LIMK2: variants seen among roughly 807,000 people sequenced by gnomAD.
LIMK2 encodes the protein LIM domain kinase 2.
LIMK2 carries 35 observed loss-of-function variants against 75.7 expected under a neutral mutation model. The ratio of observed to expected loss-of-function variants is 0.46; its 90% CI spans 0.35 to 0.61. LIMK2 has a LOEUF of 0.61. Among genes scored for constraint, LIMK2 ranks in the 20% least tolerant of loss-of-function variants. The probability of loss-of-function intolerance (pLI) is 0.00; values close to 1 mark genes in which losing one functional copy is unlikely to be tolerated. For synonymous variants in LIMK2, 301 were observed against 319.2 expected, an observed-to-expected ratio of 0.94 and a Z score of 0.61; for missense variants, 623 against 831.0, an observed-to-expected ratio of 0.75 and a Z score of 3.08.
chr22:31,276,798 C>G (rs368242418), intron 15 of LIMK2: 9 of 1,609,274 alleles, frequency 5.6e-6, no homozygotes, highest in Admixed American at 1.7e-5. Flanking sequence ...GAGCCCCCCC[C>G]GGGGCCGCAG....
At chr22:31,264,744 G>GA (rs113507669) in intron 7 of LIMK2, among the ~76,000 whole-genome samples, 6,729 of 151,522 alleles carry the variant, frequency 0.044, 549 homozygotes, top group East Asian at 0.37. Flanking sequence ...CCAACATGGT[G>GA]AAACCCTATC....
intron 2 of LIMK2, among the ~76,000 whole-genome samples, chr22:31,246,682 G>A (rs534459624): frequency 2.0e-5 from 3 of 150,344 alleles, no homozygotes; most frequent in Non-Finnish European, 4.4e-5. Flanking sequence ...GAGTCCAGAA[G>A]GTCGAGGTCA....
At chr22:31,261,180 C>T (rs561841081) in intron 5 of LIMK2, among the ~76,000 whole-genome samples, 5 of 152,012 alleles carry the variant, frequency 3.3e-5, no homozygotes, top group East Asian at 1.9e-4. Flanking sequence ...AAAGTCCAGA[C>T]GTAGACATAG....
At chr22:31,248,812 C>G (rs1256328551) in intron 2 of LIMK2, 8 of 1,600,444 alleles carry the variant, frequency 5.0e-6, no homozygotes, top group Non-Finnish European at 6.0e-6. Flanking sequence ...CTCCTGGCCC[C>G]TGGTCCTGAG....
intron 15 of LIMK2, chr22:31,277,313 AT>A: frequency 7.0e-7 from 1 of 1,438,160 alleles, no homozygotes. Flanking sequence ...CCACTTTTGG[AT>A]TTTTTTATTG....
At position 31,267,859 on chromosome 22, in the gene LIMK2, G is replaced by A. The variant is rs1265377378; in HGVS notation, c.1212G>A (p.Leu404=). 1 of 1,612,968 alleles carries A rather than the reference G, an allele frequency of 6.2e-7. No individual in the cohort carries two copies. Residue 404 remains leucine (L), a synonymous_variant, in exon 10 of 16, where the codon CTG becomes CTA. Coordinates refer to ENST00000331728, the MANE Select transcript of LIMK2 (RefSeq NM_005569.4). ...ACAAGGATAAGAAGCTGAACCTCCT[G>A]ACAGAGTACATTGAGGGGGGCACAC... The part of the protein sequence containing the change: ...VLYKDKKLNL[L]TEYIEGGTLK...
intron 7 of LIMK2, among the ~76,000 whole-genome samples, chr22:31,264,931 C>T (rs1309223046): frequency 6.6e-6 from 1 of 152,120 alleles, no homozygotes; most frequent in African/African-American, 2.4e-5. Flanking sequence ...TGGTGGCTCA[C>T]GCCTGTAATC....
At chr22:31,243,222 G>A (rs915534194) in intron 2 of LIMK2, among the ~76,000 whole-genome samples, 3 of 152,092 alleles carry the variant, frequency 2.0e-5, no homozygotes, top group African/African-American at 4.8e-5. Flanking sequence ...ATGCCTGCCC[G>A]GGACCCTTGT....
rs938544443 is a variant in LIMK2 at position 31,279,185 on chromosome 22, A to T, written c.*744A>T. 6.6e-6 allele frequency: 1 copy of T among 152,266 alleles called. No individual in the cohort carries two copies. The highest frequency in any genetic ancestry group is 2.4e-5 in the African/African-American group (1 of 41,458). The allele number at this position is 152,266 out of a possible 1,614,324, so 9.4% of individuals were successfully genotyped here. ...GACAACATCCTTTCTGTCTGAAACA[A>T]ACAGTCACAAGCAAAGGAAGAGGCT... On this transcript the variant is annotated 3_prime_UTR_variant, in exon 16 of 16. Coordinates refer to ENST00000331728, the MANE Select transcript of LIMK2 (RefSeq NM_005569.4).
At chr22:31,226,077 A>G (rs2123775617) in intron 2 of LIMK2, among the ~76,000 whole-genome samples, 1 of 152,370 alleles carries the variant, frequency 6.6e-6, no homozygotes. Flanking sequence ...GGGTTGTCCC[A>G]TATCCCTCAC....
intron 15 of LIMK2, 80 bp downstream of exon 15, chr22:31,275,388 GC>G: frequency 7.0e-7 from 1 of 1,432,024 alleles, no homozygotes; most frequent in Admixed American, 1.9e-5. Context: ...TGAGCCCTCT[GC>G]AAGCACAGGG....
At chr22:31,272,924 C>T (rs561987118) in intron 13 of LIMK2, 1 of 1,302,508 alleles carries the variant, frequency 7.7e-7, no homozygotes, top group Non-Finnish European at 9.8e-7. Context: ...AAGGTGAGTT[C>T]TGACTGTGGC....
chr22:31,222,859 G>C (rs1170097843), intron 1 of LIMK2: 2 of 152,168 alleles, frequency 1.3e-5, no homozygotes, highest in Non-Finnish European at 1.5e-5. Flanking sequence ...AGTACCAGAG[G>C]TTTTTTTGAT....
chr22:31,245,026 T>C (rs1254143735), intron 2 of LIMK2, among the ~76,000 whole-genome samples: 1 of 152,184 alleles, frequency 6.6e-6, no homozygotes, highest in African/African-American at 2.4e-5. Context: ...TGTGGAATAG[T>C]GGGGGTTAAA....
chr22:31,215,983 T>C (rs1012175935), intron 1 of LIMK2, among the ~76,000 whole-genome samples: 1 of 152,198 alleles, frequency 6.6e-6, no homozygotes, highest in Non-Finnish European at 1.5e-5. Flanking sequence ...AGGAACAAGA[T>C]AGACCAAATC....
chr22:31,221,778 C>T (rs1423147098), intron 1 of LIMK2, among the ~76,000 whole-genome samples: 3 of 152,084 alleles, frequency 2.0e-5, no homozygotes, highest in African/African-American at 4.8e-5. Flanking sequence ...CCACTGCGCC[C>T]GGCCCTCAAT....
chr22:31,217,030 T>A (rs1400827116), intron 1 of LIMK2, among the ~76,000 whole-genome samples: 2 of 152,244 alleles, frequency 1.3e-5, no homozygotes, highest in South Asian at 4.1e-4. Flanking sequence ...TTGAACATTC[T>A]TTCTGGGATT....
intron 11 of LIMK2, among the ~76,000 whole-genome samples, chr22:31,268,410 AAGG>A (rs2048918774): frequency 7.8e-6 from 1 of 127,706 alleles, no homozygotes; most frequent in Non-Finnish European, 1.7e-5. Context: ...CACATCTCTA[AAGG>A]CAAACAGGGC....
At chr22:31,263,494 C>G (rs1345145097) in intron 7 of LIMK2, among the ~76,000 whole-genome samples, 2 of 152,156 alleles carry the variant, frequency 1.3e-5, no homozygotes, top group African/African-American at 4.8e-5. Flanking sequence ...TTGTATAGTG[C>G]TGCCATAGGG....
Sources: gnomAD v4.1 joint callset for allele counts (sites outside exome capture counted in the v4.1 genomes callset) on GRCh38, gnomAD v4.1.1 for gene constraint, MANE v1.5 for transcripts, NCBI Gene and HGNC (gene_info 2026-07-23, HGNC 2026-07-21) for gene names.